JARID2: variants seen among roughly 807,000 people sequenced by gnomAD.
JARID2 encodes protein Jumonji.
In JARID2, 21 loss-of-function variants were observed where a neutral mutation model predicts 125.6. That is an observed-to-expected ratio of 0.17 (90% CI 0.12 to 0.24). The LOEUF is 0.24. Among genes scored for constraint, JARID2 ranks in the 10% least tolerant of loss-of-function variants. JARID2 has a pLI of 1.00. For missense variants in JARID2, 1,303 were observed against 1,639.6 expected, an observed-to-expected ratio of 0.79 and a Z score of 3.55; for synonymous variants, 736 against 661.6, an observed-to-expected ratio of 1.11 and a Z score of -1.73.
intron 5 of JARID2, among the ~76,000 whole-genome samples, chr6:15,472,817 C>T (rs1168053823): frequency 6.6e-6 from 1 of 152,246 alleles, no homozygotes; most frequent in African/African-American, 2.4e-5. Flanking sequence ...GCACTCACTT[C>T]CTGGGCATGT....
At chr6:15,286,591 T>G (rs867380532) in intron 1 of JARID2, among the ~76,000 whole-genome samples, 3 of 150,706 alleles carry the variant, frequency 2.0e-5, no homozygotes, top group Middle Eastern at 6.8e-3. Context: ...CAGAGCGTGG[T>G]GGCTCACGCC....
rs188882702 is a variant in JARID2, at chr6:15,419,163, C to T, written c.323+8798C>T. On this transcript the variant is annotated intron_variant, in intron 3 of 17. Transcript: ENST00000341776. The stretch of plus-strand genomic sequence containing the variant: ...AATCAGCAAAAGGCTTAACATTTCT[C>T]TTAACCCTTGATTTATATTTAGAAG... 2.0e-3 allele frequency among the ~76,000 whole-genome samples: 299 copies of T among 152,270 alleles called. 1 individual carries two copies. The highest frequency in any genetic ancestry group is 6.5e-3 in the African/African-American group (269 of 41,534).
At chr6:15,511,202 T>A in intron 12 of JARID2, 94 bp from the exon 13 acceptor site, 2 of 878,330 alleles carry the variant, frequency 2.3e-6, no homozygotes, top group Non-Finnish European at 3.8e-6. Flanking sequence ...GCCTCTCGTG[T>A]GCTCGGGTCC....
chr6:15,332,935 CTTTTTTTTTT>C (rs33921682), intron 1 of JARID2, among the ~76,000 whole-genome samples: 1 of 42,170 alleles, frequency 2.4e-5, no homozygotes, highest in Non-Finnish European at 4.8e-5. Flanking sequence ...CTTTTCTTTT[CTTTTTTTTTT>C]TTTTTTTTTT....
intron 5 of JARID2, among the ~76,000 whole-genome samples, chr6:15,473,169 C>T (rs1318360449): frequency 6.6e-6 from 1 of 152,128 alleles, no homozygotes; most frequent in Non-Finnish European, 1.5e-5. Context: ...AGAATCTTTG[C>T]CATGTTAACA....
intron 1 of JARID2, among the ~76,000 whole-genome samples, chr6:15,318,814 A>G (rs1368062838): frequency 1.3e-5 from 2 of 151,958 alleles, no homozygotes; most frequent in East Asian, 3.9e-4. Context: ...GCTGCTTTTG[A>G]TCTTGGAGGG....
intron 2 of JARID2, among the ~76,000 whole-genome samples, chr6:15,384,257 T>G (rs576554326): frequency 6.6e-6 from 1 of 152,270 alleles, no homozygotes; most frequent in South Asian, 2.1e-4. Flanking sequence ...CGGCTAATTT[T>G]TAAATTATTT....
At chr6:15,333,715 T>G (rs912526758) in intron 1 of JARID2, among the ~76,000 whole-genome samples, 2 of 152,222 alleles carry the variant, frequency 1.3e-5, no homozygotes, top group African/African-American at 2.4e-5. Flanking sequence ...TTACATTGTA[T>G]GAACACTGCA....
At chr6:15,300,682 G>GT (rs1218332107) in intron 1 of JARID2, among the ~76,000 whole-genome samples, 60 of 110,314 alleles carry the variant, frequency 5.4e-4, no homozygotes, top group South Asian at 3.0e-3. Context: ...GTGTCCTCAT[G>GT]TTGTGTGTGT....
At chr6:15,259,001 G>C (rs545949077) in intron 1 of JARID2, among the ~76,000 whole-genome samples, 2 of 152,222 alleles carry the variant, frequency 1.3e-5, no homozygotes, top group East Asian at 3.9e-4. Flanking sequence ...ACCAAGGCTT[G>C]GTTTTTCTTC....
intron 1 of JARID2, among the ~76,000 whole-genome samples, chr6:15,367,153 G>A (rs1295384283): frequency 6.6e-6 from 1 of 152,182 alleles, no homozygotes; most frequent in Non-Finnish European, 1.5e-5. Context: ...TGAAGCATGA[G>A]TGTCTAAGGT....
intron 1 of JARID2, among the ~76,000 whole-genome samples, chr6:15,356,274 T>C (rs975983209): frequency 2.0e-5 from 3 of 152,234 alleles, no homozygotes; most frequent in African/African-American, 7.2e-5. Flanking sequence ...AACATTTGTG[T>C]TCACGTTTTA....
intron 2 of JARID2, among the ~76,000 whole-genome samples, chr6:15,408,121 G>C (rs770222659): frequency 7.9e-5 from 12 of 152,012 alleles, no homozygotes; most frequent in Admixed American, 2.0e-4. Flanking sequence ...AGGATTAGCT[G>C]GGCATGGTGG....
chr6:15,345,993 G>A (rs1025098480), intron 1 of JARID2, among the ~76,000 whole-genome samples: 3 of 152,196 alleles, frequency 2.0e-5, no homozygotes, highest in South Asian at 2.1e-4. Flanking sequence ...GTAAGTGTTC[G>A]TGGTTTTGTT....
chr6:15,326,414 C>A (rs1762536001), intron 1 of JARID2, among the ~76,000 whole-genome samples: 2 of 152,236 alleles, frequency 1.3e-5, no homozygotes, highest in Admixed American at 6.5e-5. Context: ...GTTGCTCAGG[C>A]TGTCCTTGAA....
intron 1 of JARID2, among the ~76,000 whole-genome samples, chr6:15,266,087 TTC>T (rs1760072755): frequency 6.6e-6 from 1 of 152,148 alleles, no homozygotes; most frequent in African/African-American, 2.4e-5. Flanking sequence ...CTGATCAGCT[TTC>T]TCTCAAAGAA....
At chr6:15,502,037 G>C (rs1418959714) in intron 8 of JARID2, among the ~76,000 whole-genome samples, 1 of 152,204 alleles carries the variant, frequency 6.6e-6, no homozygotes, top group East Asian at 1.9e-4. Context: ...TCTCTGTGGA[G>C]AGCTATCCCT....
At chr6:15,382,123 C>T (rs1009177172) in intron 2 of JARID2, among the ~76,000 whole-genome samples, 82 of 152,112 alleles carry the variant, frequency 5.4e-4, no homozygotes, top group Non-Finnish European at 1.1e-3. Flanking sequence ...ATTAGCCAGT[C>T]ATGGTGGCGC....
At chr6:15,421,450 C>A (rs1172924350) in intron 3 of JARID2, among the ~76,000 whole-genome samples, 1 of 150,980 alleles carries the variant, frequency 6.6e-6, no homozygotes, top group African/African-American at 2.4e-5. Context: ...TAAGCCCTGA[C>A]TCCAAGAAAA....
Sources: gnomAD v4.1 joint callset for allele counts (sites outside exome capture counted in the v4.1 genomes callset) on GRCh38, gnomAD v4.1.1 for gene constraint, MANE v1.5 for transcripts, NCBI Gene and HGNC (gene_info 2026-07-23, HGNC 2026-07-21) for gene names.